C13orf42: variants seen among roughly 807,000 people sequenced by gnomAD.
C13orf42 encodes the protein uncharacterized protein C13orf42.
At chr13:51,117,785 T>C (rs1022625448) in intron 1 of C13orf42, among the ~76,000 whole-genome samples, 1 of 151,426 alleles carries the variant, frequency 6.6e-6, no homozygotes, top group Non-Finnish European at 1.5e-5. Flanking sequence ...GGAATATACA[T>C]ATTTATTTTT....
At chr13:51,158,534 G>A (rs1953840202) in intron 1 of C13orf42, among the ~76,000 whole-genome samples, 2 of 152,238 alleles carry the variant, frequency 1.3e-5, no homozygotes, top group Non-Finnish European at 2.9e-5. Context: ...ATTGCAGCAA[G>A]GATCTTCCCA....
chr13:51,164,645 G>GCAA (rs1180051864), intron 1 of C13orf42, among the ~76,000 whole-genome samples: 1 of 152,190 alleles, frequency 6.6e-6, no homozygotes, highest in Non-Finnish European at 1.5e-5. Context: ...GGGTGACAAT[G>GCAA]CAAGACCCTG....
chr13:51,141,100 G>GTGTGTA (rs1689023502), intron 1 of C13orf42, among the ~76,000 whole-genome samples: 1 of 109,290 alleles, frequency 9.1e-6, no homozygotes, highest in Non-Finnish European at 1.9e-5. Flanking sequence ...AGGGAGGTGT[G>GTGTGTA]TGTGTGTGTG....
chr13:51,161,382 C>G (rs553181005), intron 1 of C13orf42, among the ~76,000 whole-genome samples: 1 of 151,994 alleles, frequency 6.6e-6, no homozygotes, highest in African/African-American at 2.4e-5. Flanking sequence ...CCCATGAGGG[C>G]CTTACCCACC....
intron 1 of C13orf42, among the ~76,000 whole-genome samples, chr13:51,108,410 A>G (rs990868363): frequency 3.9e-5 from 6 of 152,138 alleles, no homozygotes; most frequent in African/African-American, 1.4e-4. Context: ...AGGGCAAAGG[A>G]TTCCTTCTGG....
At chr13:51,127,571 CAA>C in intron 1 of C13orf42, among the ~76,000 whole-genome samples, 1 of 152,156 alleles carries the variant, frequency 6.6e-6, no homozygotes, top group Admixed American at 6.5e-5. Context: ...AATTATGAGG[CAA>C]ACACTGCAAA....
intron 1 of C13orf42, among the ~76,000 whole-genome samples, chr13:51,094,592 G>C (rs1299008716): frequency 6.6e-6 from 1 of 152,012 alleles, no homozygotes; most frequent in Non-Finnish European, 1.5e-5. Flanking sequence ...TCTTTGTGTG[G>C]ATCTAAGTTT....
intron 1 of C13orf42, among the ~76,000 whole-genome samples, chr13:51,095,985 C>CA (rs1311524159): frequency 1.3e-5 from 2 of 152,072 alleles, no homozygotes; most frequent in Non-Finnish European, 2.9e-5. Flanking sequence ...TTTATGCCTG[C>CA]AAATGGTCTT....
At chr13:51,088,913 T>C (rs935572868) in intron 1 of C13orf42, among the ~76,000 whole-genome samples, 1 of 152,194 alleles carries the variant, frequency 6.6e-6, no homozygotes, top group Non-Finnish European at 1.5e-5. Flanking sequence ...CATGAGTGAC[T>C]GATACCATGG....
At chr13:51,148,819 C>G (rs1361865406) in intron 1 of C13orf42, among the ~76,000 whole-genome samples, 1 of 152,196 alleles carries the variant, frequency 6.6e-6, no homozygotes, top group Non-Finnish European at 1.5e-5. Flanking sequence ...CAGCTGGGCC[C>G]GTATTGACCG....
At chr13:51,153,633 T>G (rs1325719618) in intron 1 of C13orf42, among the ~76,000 whole-genome samples, 1 of 106,964 alleles carries the variant, frequency 9.3e-6, no homozygotes, top group African/African-American at 3.2e-5. Context: ...TTTTTTTCTT[T>G]TTTTTTTTTT....
chr13:51,112,449 G>A (rs1055812664), upstream of C13orf42, among the ~76,000 whole-genome samples: 2 of 152,142 alleles, frequency 1.3e-5, no homozygotes, highest in African/African-American at 4.8e-5. Context: ...ATTTTTAAAT[G>A]TTTCTATCCT....
chr13:51,164,287 A>G (rs1953888841), intron 1 of C13orf42, among the ~76,000 whole-genome samples: 4 of 152,202 alleles, frequency 2.6e-5, no homozygotes, highest in African/African-American at 9.6e-5. Context: ...CTTGTTCACC[A>G]TTGCCTCATC....
chr13:51,130,645 G>A (rs527711838), intron 1 of C13orf42, among the ~76,000 whole-genome samples: 1 of 151,978 alleles, frequency 6.6e-6, no homozygotes, highest in African/African-American at 2.4e-5. Flanking sequence ...GGGACACATG[G>A]AGTTAGACAA....
chr13:51,144,309 C>T (rs1953718895), intron 1 of C13orf42, among the ~76,000 whole-genome samples: 1 of 149,254 alleles, frequency 6.7e-6, no homozygotes, highest in Admixed American at 6.7e-5. Context: ...AATATGTTTG[C>T]TGATCCTTTG....
At chr13:51,149,738 T>C (rs1233841052) in intron 1 of C13orf42, among the ~76,000 whole-genome samples, 1 of 152,218 alleles carries the variant, frequency 6.6e-6, no homozygotes, top group African/African-American at 2.4e-5. Flanking sequence ...GGGAAACAGT[T>C]ATATCTTTGA....
intron 1 of C13orf42, among the ~76,000 whole-genome samples, chr13:51,158,650 G>A (rs184892341): frequency 3.3e-5 from 5 of 152,274 alleles, no homozygotes; most frequent in African/African-American, 4.8e-5. Flanking sequence ...AAGGTCCCAC[G>A]CAACACCACA....
intron 1 of C13orf42, among the ~76,000 whole-genome samples, chr13:51,156,929 G>A (rs1398731959): frequency 1.3e-5 from 2 of 152,184 alleles, no homozygotes; most frequent in Non-Finnish European, 2.9e-5. Context: ...ACAGCTTCTC[G>A]TATTACATAT....
chr13:51,108,088 T>C (rs182534939), intron 1 of C13orf42, among the ~76,000 whole-genome samples: 1 of 152,270 alleles, frequency 6.6e-6, no homozygotes, highest in Non-Finnish European at 1.5e-5. Context: ...GGTAGGTCCT[T>C]GGCTTTTGTC....
Sources: allele counts gnomAD v4.1 joint callset (sites outside exome capture counted in the v4.1 genomes callset), GRCh38; gene constraint gnomAD v4.1.1; transcripts MANE v1.5; gene names NCBI Gene and HGNC (gene_info 2026-07-23, HGNC 2026-07-21).